Variants in MYRIP observed in about 807,000 individuals in gnomAD.
The protein encoded by MYRIP is rab effector MyRIP.
MYRIP carries 49 observed loss-of-function variants against 98.0 expected under a neutral mutation model. The observed-to-expected ratio is 0.50, with a 90% CI of 0.40 to 0.63. The LOEUF is 0.63. MYRIP is among the 30% of genes least tolerant of loss of function. The pLI is 0.00. For missense variants in MYRIP, 1,004 were observed against 1,058.2 expected, an observed-to-expected ratio of 0.95 and a Z score of 0.71; for synonymous variants, 404 against 409.5, an observed-to-expected ratio of 0.99 and a Z score of 0.16.
intron 1 of MYRIP, among the ~76,000 whole-genome samples, chr3:39,815,754 T>C (rs1242240945): frequency 6.6e-6 from 1 of 152,174 alleles, no homozygotes; most frequent in East Asian, 1.9e-4. Flanking sequence ...ATAGTGGTGA[T>C]AGTGGACCTC....
At position 40,024,684 on chromosome 3, in the gene MYRIP, T is replaced by C. The variant is rs115180854; in HGVS notation, c.111-19366T>C. 1.2e-3 allele frequency among the ~76,000 whole-genome samples: 181 copies of C among 152,200 alleles called. 1 individual carries two copies. The highest frequency in any genetic ancestry group is 2.5e-3 in the South Asian group (12 of 4,820). On this transcript the variant is annotated intron_variant, in intron 2 of 16. Coordinates refer to ENST00000302541, the MANE Select transcript of MYRIP (RefSeq NM_015460.4). Reference sequence around the variant, plus strand: ...ATGATCCCAGCTTTCTCGCAGCTGTTCTCTCATTGCTCTTTTCAAGAAAAT... The same window carrying C: ...ATGATCCCAGCTTTCTCGCAGCTGTCCTCTCATTGCTCTTTTCAAGAAAAT...
chr3:40,049,090 A>G (rs1947732094), intron 3 of MYRIP, among the ~76,000 whole-genome samples: 1 of 152,216 alleles, frequency 6.6e-6, no homozygotes, highest in Non-Finnish European at 1.5e-5. Context: ...TGGGAACAAC[A>G]TTCCTACTTT....
At chr3:40,030,347 T>G (rs1947231723) in intron 2 of MYRIP, among the ~76,000 whole-genome samples, 1 of 151,942 alleles carries the variant, frequency 6.6e-6, no homozygotes, top group Non-Finnish European at 1.5e-5. Flanking sequence ...CAATTACAAG[T>G]ATTGGGGAGG....
At chr3:39,992,963 C>T (rs1213986273) in intron 2 of MYRIP, among the ~76,000 whole-genome samples, 1 of 152,144 alleles carries the variant, frequency 6.6e-6, no homozygotes, top group African/African-American at 2.4e-5. Flanking sequence ...ATCTTGGACT[C>T]TGTGGTCCAT....
At chr3:40,193,388 C>T (rs1379106432) in intron 10 of MYRIP, among the ~76,000 whole-genome samples, 3 of 152,190 alleles carry the variant, frequency 2.0e-5, no homozygotes, top group Non-Finnish European at 4.4e-5. Flanking sequence ...CAGTGGCTTC[C>T]AACACCTAAC....
intron 1 of MYRIP, among the ~76,000 whole-genome samples, chr3:39,858,622 G>A (rs554373879): frequency 1.4e-5 from 2 of 137,948 alleles, no homozygotes; most frequent in African/African-American, 5.5e-5. Context: ...CATTCTCCAG[G>A]ATAGATTATA....
intron 2 of MYRIP, among the ~76,000 whole-genome samples, chr3:39,927,227 G>A (rs138872523): frequency 4.9e-4 from 75 of 152,008 alleles, no homozygotes; most frequent in East Asian, 9.6e-4. Context: ...TCCTTTTGGC[G>A]GATATTTTAG....
intron 1 of MYRIP, among the ~76,000 whole-genome samples, chr3:39,845,722 C>T (rs527615670): frequency 6.6e-6 from 1 of 152,064 alleles, no homozygotes; most frequent in Non-Finnish European, 1.5e-5. Context: ...TCAAGGGACT[C>T]CTGGATGATA....
rs1339085352 is a variant in MYRIP at position 40,203,859 on chromosome 3, A to T, written c.1666-5995A>T. 7.1e-3 allele frequency among the ~76,000 whole-genome samples: 55 copies of T among 7,756 alleles called. 7 individuals carry two copies. The highest frequency in any genetic ancestry group is 0.012 in the Non-Finnish European group (44 of 3,696). 5.1% of individuals were successfully genotyped at this position (7,756 alleles called of 152,430 possible). ...TATTTATTTATTTATTTATATTTTT[A>T]TATATATTTATATATTTATATATTT... On this transcript the variant is annotated intron_variant, in intron 10 of 16. Coordinates refer to ENST00000302541, the MANE Select transcript of MYRIP (RefSeq NM_015460.4).
chr3:39,839,464 G>A (rs906728811), intron 1 of MYRIP, among the ~76,000 whole-genome samples: 3 of 152,044 alleles, frequency 2.0e-5, no homozygotes, highest in Non-Finnish European at 4.4e-5. Flanking sequence ...CACCAAGTTG[G>A]CCAGACTGGT....
chr3:40,085,649 C>A (rs1426591332), intron 3 of MYRIP, among the ~76,000 whole-genome samples: 2 of 152,060 alleles, frequency 1.3e-5, no homozygotes, highest in African/African-American at 4.8e-5. Context: ...AAGAAGGCAT[C>A]CTGGAGCAGA....
chr3:40,056,371 C>A (rs1432892455), intron 3 of MYRIP, among the ~76,000 whole-genome samples: 1 of 152,132 alleles, frequency 6.6e-6, no homozygotes, highest in South Asian at 2.1e-4. Flanking sequence ...TGATTTTAGA[C>A]CTTTGGCCTC....
intron 1 of MYRIP, among the ~76,000 whole-genome samples, chr3:39,855,230 C>T (rs1370301922): frequency 1.3e-5 from 2 of 152,120 alleles, no homozygotes; most frequent in African/African-American, 2.4e-5. Context: ...CAGGTTTATT[C>T]TGTCATGATT....
At chr3:40,043,977 CT>C in intron 2 of MYRIP, 72 bp from the exon 3 acceptor site, 1 of 1,434,606 alleles carries the variant, frequency 7.0e-7, no homozygotes, top group Non-Finnish European at 9.6e-7. Context: ...AGGGTGCATG[CT>C]TTGGGGAGAC....
At chr3:39,935,848 G>A (rs1169909518) in intron 2 of MYRIP, among the ~76,000 whole-genome samples, 1 of 152,118 alleles carries the variant, frequency 6.6e-6, no homozygotes, top group Non-Finnish European at 1.5e-5. Context: ...CATGTTGTAA[G>A]TATGTGTTTC....
At chr3:40,203,593 C>T (rs1257499460) in intron 10 of MYRIP, among the ~76,000 whole-genome samples, 3 of 146,716 alleles carry the variant, frequency 2.0e-5, no homozygotes, top group South Asian at 2.1e-4. Flanking sequence ...AGTATTCTAT[C>T]GTTAAGTGTT....
intron 2 of MYRIP, among the ~76,000 whole-genome samples, chr3:39,969,952 G>C (rs572691471): frequency 6.6e-6 from 1 of 152,048 alleles, no homozygotes; most frequent in Non-Finnish European, 1.5e-5. Flanking sequence ...CAGGTCCCAG[G>C]CTTTTTTTGG....
At chr3:40,180,151 A>G (rs565273942) in intron 8 of MYRIP, among the ~76,000 whole-genome samples, 1 of 152,310 alleles carries the variant, frequency 6.6e-6, no homozygotes, top group Non-Finnish European at 1.5e-5. Context: ...GCCAAAAGCC[A>G]CTTTACATGT....
intron 2 of MYRIP, among the ~76,000 whole-genome samples, chr3:39,972,217 TTC>T (rs1406706204): frequency 6.6e-6 from 1 of 152,066 alleles, no homozygotes; most frequent in Non-Finnish European, 1.5e-5. Flanking sequence ...CCCTGGAATT[TTC>T]TCTTTCAGTG....
Sources: gnomAD v4.1 joint callset for allele counts (sites outside exome capture counted in the v4.1 genomes callset) on GRCh38, gnomAD v4.1.1 for gene constraint, MANE v1.5 for transcripts, NCBI Gene and HGNC (gene_info 2026-07-23, HGNC 2026-07-21) for gene names.